The following RBFOX1 variants were observed in gnomAD, a reference collection of about 807,000 sequenced individuals.
RBFOX1 encodes the protein RNA binding protein fox-1 homolog 1.
RBFOX1 carries 8 observed loss-of-function variants against 57.7 expected under a neutral mutation model. The observed-to-expected ratio is 0.14, with a 90% CI of 0.08 to 0.25. The LOEUF is 0.25. RBFOX1 is among the 10% of genes least tolerant of loss of function. RBFOX1 has a pLI of 1.00. For synonymous variants in RBFOX1, 326 were observed against 222.4 expected (o/e 1.47, Z -4.15); for missense variants, 611 against 548.5 (o/e 1.11, Z -1.14).
chr16:6,173,407 T>A (rs141277526), intron 1 of RBFOX1, among the ~76,000 whole-genome samples: 1 of 152,286 alleles, frequency 6.6e-6, no homozygotes, highest in Non-Finnish European at 1.5e-5. Context: ...ACGTGTTATT[T>A]GCAGTCATAT....
chr16:6,683,639 G>C (rs1225537615), intron 3 of RBFOX1, among the ~76,000 whole-genome samples: 1 of 152,134 alleles, frequency 6.6e-6, no homozygotes, highest in East Asian at 1.9e-4. Flanking sequence ...AAACTGCATA[G>C]ACCAAATGGC....
intron 14 of RBFOX1, among the ~76,000 whole-genome samples, chr16:7,698,226 T>C (rs1484945431): frequency 7.0e-6 from 1 of 142,398 alleles, no homozygotes; most frequent in African/African-American, 2.6e-5. Context: ...ATAAAGGGGG[T>C]AGGTGGAGGC....
At chr16:7,155,004 T>C (rs943888125) in intron 4 of RBFOX1, among the ~76,000 whole-genome samples, 3 of 152,116 alleles carry the variant, frequency 2.0e-5, no homozygotes, top group African/African-American at 7.2e-5. Flanking sequence ...AGGTAGATTC[T>C]GTACAGTATA....
At chr16:6,705,209 G>A (rs2062515580) in intron 3 of RBFOX1, 1 of 152,128 alleles carries the variant, frequency 6.6e-6, no homozygotes, top group Non-Finnish European at 1.5e-5. Context: ...CCTTTTAAAT[G>A]AACAAATGGG....
chr16:5,659,067 T>C (rs988129699), intron 3 of RBFOX1, among the ~76,000 whole-genome samples: 1 of 151,938 alleles, frequency 6.6e-6, no homozygotes, highest in Non-Finnish European at 1.5e-5. Flanking sequence ...CTTTTAGTTC[T>C]TTAAGGAATC....
At chr16:6,953,322 C>G (rs1007109186) in intron 3 of RBFOX1, among the ~76,000 whole-genome samples, 3 of 152,226 alleles carry the variant, frequency 2.0e-5, no homozygotes, top group South Asian at 2.1e-4. Flanking sequence ...TATGGAGTCT[C>G]TTTCACCAGC....
chr16:6,756,690 G>A (rs913312091), intron 3 of RBFOX1, among the ~76,000 whole-genome samples: 1 of 152,130 alleles, frequency 6.6e-6, no homozygotes, highest in Non-Finnish European at 1.5e-5. Flanking sequence ...AAGATATACA[G>A]GCCGGGCCTG....
intron 4 of RBFOX1, among the ~76,000 whole-genome samples, chr16:7,140,150 TTCTCTCCCTCTCTC>T (rs2073287023): frequency 3.8e-5 from 2 of 52,622 alleles, no homozygotes; most frequent in African/African-American, 1.7e-4. Context: ...TATTCTCTCC[TTCTCTCCCTCTCTC>T]TCTCTCTCTC....
chr16:5,247,777 G>A (rs539858216), intron 1 of RBFOX1, among the ~76,000 whole-genome samples: 90 of 152,256 alleles, frequency 5.9e-4, no homozygotes, highest in African/African-American at 2.0e-3. Flanking sequence ...CTTGTACCCC[G>A]ACAGTCTTAG....
intron 4 of RBFOX1, among the ~76,000 whole-genome samples, chr16:7,252,843 C>G (rs1603449126): frequency 6.6e-6 from 1 of 151,994 alleles, no homozygotes; most frequent in African/African-American, 2.4e-5. Context: ...TACCTAAATT[C>G]AGACCAAGTG....
intron 3 of RBFOX1, among the ~76,000 whole-genome samples, chr16:5,848,754 C>T (rs1046320335): frequency 3.3e-5 from 5 of 152,014 alleles, no homozygotes; most frequent in African/African-American, 1.2e-4. Context: ...CGAGACCAGC[C>T]TGGCCAACAT....
intron 3 of RBFOX1, among the ~76,000 whole-genome samples, chr16:5,864,393 T>C (rs994653802): frequency 2.6e-5 from 4 of 152,240 alleles, no homozygotes; most frequent in African/African-American, 9.6e-5. Context: ...AAAGTTGCCA[T>C]TGACTTTTCT....
intron 3 of RBFOX1, among the ~76,000 whole-genome samples, chr16:6,725,302 C>T (rs756092718): frequency 6.6e-6 from 1 of 151,880 alleles, no homozygotes; most frequent in East Asian, 1.9e-4. Flanking sequence ...CCACCCACCT[C>T]GGCCTCCCAA....
chr16:6,522,992 G>A (rs1215645346), intron 2 of RBFOX1, among the ~76,000 whole-genome samples: 1 of 152,108 alleles, frequency 6.6e-6, no homozygotes, highest in Admixed American at 6.6e-5. Context: ...TTATCTTTTA[G>A]GCATCAAAGA....
intron 3 of RBFOX1, among the ~76,000 whole-genome samples, chr16:6,945,442 T>C (rs1452097865): frequency 3.3e-5 from 5 of 151,420 alleles, no homozygotes; most frequent in African/African-American, 7.3e-5. Flanking sequence ...CCAGATTTTA[T>C]CGTTTTAAAG....
chr16:7,102,131 TC>T (rs1425977300), intron 4 of RBFOX1, among the ~76,000 whole-genome samples: 1 of 152,144 alleles, frequency 6.6e-6, no homozygotes, highest in Non-Finnish European at 1.5e-5. Context: ...TGTGCCTACT[TC>T]TCTGTTAGAA....
rs1038419719 is a variant in RBFOX1, at chr16:7,123,446, C to A, written c.27+71348C>A. On this transcript the variant is annotated intron_variant, in intron 4 of 15. Transcript: ENST00000550418. ...GTGGTGCCAATACAGCTCACTGTAA[C>A]CTTGACCTCCTGGGCTCAGGTGATC... 2.0e-5 allele frequency among the ~76,000 whole-genome samples: 3 copies of A among 152,240 alleles called. No homozygotes were observed. The East Asian group carries it at 5.8e-4, about 29-fold the overall frequency.
At chr16:5,567,726 C>A (rs2046124022) in intron 2 of RBFOX1, among the ~76,000 whole-genome samples, 1 of 150,352 alleles carries the variant, frequency 6.7e-6, no homozygotes, top group African/African-American at 2.4e-5. Flanking sequence ...ATCATCCTCA[C>A]TGCCACCATC....
chr16:7,263,107 G>A (rs1047853533), intron 4 of RBFOX1, among the ~76,000 whole-genome samples: 5 of 152,182 alleles, frequency 3.3e-5, no homozygotes, highest in African/African-American at 1.2e-4. Context: ...TCCTTGGTGA[G>A]TCACTCAGCA....
Sources: gnomAD v4.1 joint callset for allele counts (sites outside exome capture counted in the v4.1 genomes callset) on GRCh38, gnomAD v4.1.1 for gene constraint, MANE v1.5 for transcripts, NCBI Gene and HGNC (gene_info 2026-07-23, HGNC 2026-07-21) for gene names.